Variants in NPAS3 observed in about 807,000 individuals in gnomAD.
NPAS3 encodes neuronal PAS domain-containing protein 3.
In NPAS3, 14 loss-of-function variants were observed where a neutral mutation model predicts 73.1. The ratio of observed to expected loss-of-function variants is 0.19; its 90% confidence interval spans 0.13 to 0.30. The LOEUF is 0.30. Among genes scored for constraint, NPAS3 ranks in the 10% least tolerant of loss-of-function variants. NPAS3 has a pLI of 1.00. For missense variants in NPAS3, 1,096 were observed against 1,250.0 expected, an observed-to-expected ratio of 0.88 and a Z score of 1.86; for synonymous variants, 620 against 541.5, an observed-to-expected ratio of 1.14 and a Z score of -2.01.
At chr14:33,362,161 C>A (rs1019830483) in intron 3 of NPAS3, among the ~76,000 whole-genome samples, 2 of 152,148 alleles carry the variant, frequency 1.3e-5, no homozygotes, top group Non-Finnish European at 2.9e-5. Flanking sequence ...GTACCCAGTG[C>A]TATTTCAGTT....
chr14:33,521,946 AC>A (rs1462101885), intron 4 of NPAS3, among the ~76,000 whole-genome samples: 1 of 152,098 alleles, frequency 6.6e-6, no homozygotes, highest in African/African-American at 2.4e-5. Flanking sequence ...GATCCATCTT[AC>A]CTATTTGATT....
intron 3 of NPAS3, among the ~76,000 whole-genome samples, chr14:33,328,151 T>C (rs1306582352): frequency 6.6e-6 from 1 of 152,128 alleles, no homozygotes; most frequent in Non-Finnish European, 1.5e-5. Context: ...TATTTTTTAA[T>C]AGTGATGTTG....
At chr14:33,086,101 T>C (rs1462414025) in intron 2 of NPAS3, among the ~76,000 whole-genome samples, 1 of 152,198 alleles carries the variant, frequency 6.6e-6, no homozygotes, top group Non-Finnish European at 1.5e-5. Context: ...TCACACAGGA[T>C]TGGACATGTC....
chr14:33,768,506 T>C (rs117547584), intron 7 of NPAS3, among the ~76,000 whole-genome samples: 313 of 152,292 alleles, frequency 2.1e-3, no homozygotes, highest in Non-Finnish European at 3.6e-3. Flanking sequence ...AATTTATCAA[T>C]TTGCAGCTGT....
chr14:33,460,763 T>A (rs2050225571), intron 4 of NPAS3, among the ~76,000 whole-genome samples: 1 of 151,796 alleles, frequency 6.6e-6, no homozygotes, highest in African/African-American at 2.4e-5. Flanking sequence ...ATTCAGATAC[T>A]TAAAGAATAT....
chr14:33,387,851 A>G (rs949929462), intron 4 of NPAS3, among the ~76,000 whole-genome samples: 20 of 151,380 alleles, frequency 1.3e-4, no homozygotes, highest in Non-Finnish European at 2.8e-4. Context: ...AATACCAACA[A>G]ATAGTCACAG....
intron 1 of NPAS3, among the ~76,000 whole-genome samples, chr14:33,014,524 T>C (rs1293221796): frequency 3.3e-5 from 5 of 152,176 alleles, no homozygotes; most frequent in Non-Finnish European, 7.4e-5. Flanking sequence ...ATTATTAATA[T>C]AGTCTTTGAA....
chr14:33,783,668 C>T (rs1188034730), intron 9 of NPAS3, among the ~76,000 whole-genome samples: 6 of 152,072 alleles, frequency 3.9e-5, no homozygotes, highest in African/African-American at 1.2e-4. Context: ...CAGGCAAGCA[C>T]GGAGTCAGAG....
intron 7 of NPAS3, among the ~76,000 whole-genome samples, chr14:33,771,661 A>ATCT (rs958530737): frequency 2.2e-4 from 33 of 152,176 alleles, no homozygotes; most frequent in African/African-American, 7.0e-4. Context: ...AATACAAAAA[A>ATCT]ATTAGCTGGG....
chr14:32,938,503 G>T (rs1203763169), upstream of NPAS3, among the ~76,000 whole-genome samples: 102 of 112,898 alleles, frequency 9.0e-4, no homozygotes, highest in African/African-American at 3.0e-3. Context: ...GAGAGAGAGA[G>T]AGAGAGAGAG....
intron 5 of NPAS3, among the ~76,000 whole-genome samples, chr14:33,624,589 TA>T (rs1342134733): frequency 6.6e-6 from 1 of 151,940 alleles, no homozygotes; most frequent in African/African-American, 2.4e-5. Flanking sequence ...TTTTTCATTC[TA>T]TTAATTAAAG....
At position 33,180,595 on chromosome 14, in the gene NPAS3, C is replaced by T. The variant is rs953431954; in HGVS notation, c.141-34587C>T. Among the ~76,000 whole-genome samples the T allele has an allele frequency of 3.3e-5, 5 of 151,724 alleles. No individual in the cohort carries two copies. The South Asian group carries it at 6.3e-4, about 19-fold the overall frequency. The stretch of plus-strand genomic sequence containing the variant: ...CAGGCGGATCATGAGGTCAGGAGAT[C>T]GAGACCATCCTGGCTAACACGGTGA... On this transcript the variant is annotated intron_variant, in intron 2 of 11. Transcript: ENST00000356141.
At chr14:33,709,510 T>A (rs559245628) in intron 6 of NPAS3, among the ~76,000 whole-genome samples, 43 of 152,262 alleles carry the variant, frequency 2.8e-4, no homozygotes, top group Non-Finnish European at 5.1e-4. Context: ...CATGGCTGAA[T>A]TGGATGATGT....
chr14:33,119,021 C>T (rs2043150231), intron 2 of NPAS3, among the ~76,000 whole-genome samples: 1 of 151,688 alleles, frequency 6.6e-6, no homozygotes, highest in Non-Finnish European at 1.5e-5. Flanking sequence ...AAACACAGAC[C>T]CTAGAACAAA....
intron 5 of NPAS3, among the ~76,000 whole-genome samples, chr14:33,667,190 T>C (rs1181391508): frequency 6.6e-6 from 1 of 152,078 alleles, no homozygotes; most frequent in Admixed American, 6.6e-5. Flanking sequence ...TTATAGCATA[T>C]TACGAATCAG....
At chr14:33,289,993 TC>T (rs1283956631) in intron 3 of NPAS3, among the ~76,000 whole-genome samples, 1 of 152,180 alleles carries the variant, frequency 6.6e-6, no homozygotes, top group Non-Finnish European at 1.5e-5. Context: ...CTTCTGACCA[TC>T]TTTTTAGGGA....
At chr14:33,308,756 A>G (rs2042885441) in intron 3 of NPAS3, among the ~76,000 whole-genome samples, 1 of 151,864 alleles carries the variant, frequency 6.6e-6, no homozygotes, top group Non-Finnish European at 1.5e-5. Flanking sequence ...ACCACAAATA[A>G]CTGTTCACCA....
chr14:33,335,315 G>A (rs1048287247), intron 3 of NPAS3, among the ~76,000 whole-genome samples: 1 of 152,066 alleles, frequency 6.6e-6, no homozygotes, highest in Non-Finnish European at 1.5e-5. Context: ...GTTTAAAATG[G>A]CATGGGCTAG....
At chr14:33,402,533 C>G (rs1298527073) in intron 4 of NPAS3, among the ~76,000 whole-genome samples, 1 of 152,098 alleles carries the variant, frequency 6.6e-6, no homozygotes, top group Non-Finnish European at 1.5e-5. Flanking sequence ...GAGTCACCAG[C>G]AGGCTCTCCT....
Sources: gnomAD v4.1 joint callset for allele counts (sites outside exome capture counted in the v4.1 genomes callset) on GRCh38, gnomAD v4.1.1 for gene constraint, MANE v1.5 for transcripts, NCBI Gene and HGNC (gene_info 2026-07-23, HGNC 2026-07-21) for gene names.